Variants in TMEM132D observed in about 807,000 individuals in gnomAD.
TMEM132D encodes the protein mature OL transmembrane protein.
A neutral mutation model predicts 62.3 loss-of-function variants in TMEM132D; 21 were observed. The observed-to-expected ratio is 0.34, with a 90% CI of 0.24 to 0.49. The LOEUF (loss-of-function observed/expected upper bound fraction) is 0.49. TMEM132D is among the 20% of genes least tolerant of loss of function. The probability of loss-of-function intolerance (pLI) is 0.99; values close to 1 mark genes in which losing one functional copy is unlikely to be tolerated. For synonymous variants in TMEM132D, 621 were observed against 575.6 expected (o/e 1.08, Z -1.13); for missense variants, 1,346 against 1,402.8 (o/e 0.96, Z 0.65).
intron 1 of TMEM132D, among the ~76,000 whole-genome samples, chr12:129,725,709 G>A (rs921536485): frequency 6.6e-6 from 1 of 152,234 alleles, no homozygotes; most frequent in African/African-American, 2.4e-5. Context: ...GGGAGATAAA[G>A]AGAAATGGAG....
At chr12:129,571,142 T>A (rs1018164179) in intron 2 of TMEM132D, among the ~76,000 whole-genome samples, 4 of 152,232 alleles carry the variant, frequency 2.6e-5, no homozygotes, top group Non-Finnish European at 5.9e-5. Context: ...AGGGAAGTTG[T>A]CCTCTTTCCC....
chr12:129,731,040 T>C (rs1869216840), intron 1 of TMEM132D, among the ~76,000 whole-genome samples: 1 of 152,136 alleles, frequency 6.6e-6, no homozygotes, highest in African/African-American at 2.4e-5. Flanking sequence ...TCTATCCTAT[T>C]GGTTCTGTCC....
intron 3 of TMEM132D, among the ~76,000 whole-genome samples, chr12:129,368,681 G>A (rs1373695565): frequency 6.6e-6 from 1 of 151,862 alleles, no homozygotes; most frequent in Non-Finnish European, 1.5e-5. Flanking sequence ...ACTGTGGGCA[G>A]TGTTGCAAAC....
intron 5 of TMEM132D, among the ~76,000 whole-genome samples, chr12:129,188,382 C>A (rs963837086): frequency 6.6e-6 from 1 of 152,206 alleles, no homozygotes; most frequent in East Asian, 1.9e-4. Context: ...CAGCTGACTG[C>A]AGATTCAAGC....
chr12:129,200,269 A>T (rs1275943495), intron 5 of TMEM132D, among the ~76,000 whole-genome samples: 4 of 152,188 alleles, frequency 2.6e-5, no homozygotes, highest in Non-Finnish European at 5.9e-5. Flanking sequence ...GATTGAAGAA[A>T]GTGTCTATTG....
At chr12:129,722,461 G>A (rs1868873352) in intron 1 of TMEM132D, among the ~76,000 whole-genome samples, 1 of 152,198 alleles carries the variant, frequency 6.6e-6, no homozygotes, top group African/African-American at 2.4e-5. Context: ...ATGGGAGAAG[G>A]CGAAGAACAC....
chr12:129,250,370 T>C (rs1415508471), intron 4 of TMEM132D, among the ~76,000 whole-genome samples: 1 of 152,238 alleles, frequency 6.6e-6, no homozygotes, highest in Admixed American at 6.5e-5. Flanking sequence ...ATCTATTTTA[T>C]TGCTCAATAT....
intron 1 of TMEM132D, among the ~76,000 whole-genome samples, chr12:129,876,927 A>G (rs539634294): frequency 6.6e-6 from 1 of 152,302 alleles, no homozygotes; most frequent in Admixed American, 6.5e-5. Context: ...GCTGAGCCCA[A>G]CCTCACTATA....
chr12:129,379,717 A>G (rs1870885695), intron 3 of TMEM132D, among the ~76,000 whole-genome samples: 1 of 152,206 alleles, frequency 6.6e-6, no homozygotes, highest in Admixed American at 6.5e-5. Context: ...ATGCTCTGAA[A>G]TCTGTCTACT....
intron 1 of TMEM132D, among the ~76,000 whole-genome samples, chr12:129,877,509 T>TC (rs1874456699): frequency 6.6e-6 from 1 of 152,218 alleles, no homozygotes; most frequent in East Asian, 1.9e-4. Flanking sequence ...CTCATTCATC[T>TC]GGCTTCCCAC....
At chr12:129,874,911 A>G (rs1874368631) in intron 1 of TMEM132D, among the ~76,000 whole-genome samples, 1 of 152,184 alleles carries the variant, frequency 6.6e-6, no homozygotes, top group Non-Finnish European at 1.5e-5. Context: ...TCCCGACCTC[A>G]GGTGATCTGC....
chr12:129,710,230 A>C (rs1273674306), intron 1 of TMEM132D, among the ~76,000 whole-genome samples: 1 of 152,132 alleles, frequency 6.6e-6, no homozygotes, highest in Non-Finnish European at 1.5e-5. Context: ...TTTTCTTCCT[A>C]AGTGTTGTGT....
Position 129,699,948 on chromosome 12 carries a change from C to G in TMEM132D, c.830G>C (p.Arg277Thr). The G allele has an allele frequency of 6.2e-7, 1 of 1,614,094 alleles. No homozygotes were observed. The highest frequency in any genetic ancestry group is 1.1e-5 in the South Asian group (1 of 91,072). ...ACGCAGTTCTCTCAGGGAGGGTTTC[C>G]TGTGTGTCTGATAAAGGAAGATGCT... ...IGSIFLYQTH[R>T]KPSLRELRLD... Residue 277 changes from arginine to threonine, a missense_variant, in exon 2 of 9, where the codon AGG (arginine) becomes ACG (threonine). Transcript: ENST00000422113.
At chr12:129,339,544 A>G (rs1002687040) in intron 3 of TMEM132D, among the ~76,000 whole-genome samples, 5 of 152,172 alleles carry the variant, frequency 3.3e-5, no homozygotes, top group African/African-American at 1.2e-4. Flanking sequence ...CTGTGATAAA[A>G]ATCCCCTAGG....
intron 3 of TMEM132D, among the ~76,000 whole-genome samples, chr12:129,448,429 G>A (rs1048107465): frequency 6.6e-6 from 1 of 152,084 alleles, no homozygotes; most frequent in Non-Finnish European, 1.5e-5. Flanking sequence ...GTGTGTCCAT[G>A]TGTTCTCATC....
intron 3 of TMEM132D, among the ~76,000 whole-genome samples, chr12:129,516,638 G>A (rs1875692749): frequency 6.6e-6 from 1 of 152,106 alleles, no homozygotes; most frequent in East Asian, 1.9e-4. Context: ...CACAACATGT[G>A]GGAATTATGG....
At chr12:129,746,743 A>G (rs1869792170) in intron 1 of TMEM132D, among the ~76,000 whole-genome samples, 1 of 152,076 alleles carries the variant, frequency 6.6e-6, no homozygotes, top group Non-Finnish European at 1.5e-5. Flanking sequence ...CGACAGTGTC[A>G]CGGAAGAGAC....
chr12:129,308,196 T>C (rs899067561), intron 4 of TMEM132D, among the ~76,000 whole-genome samples: 2 of 152,364 alleles, frequency 1.3e-5, no homozygotes, highest in African/African-American at 4.8e-5. Flanking sequence ...TATTGTTATA[T>C]GTTAAAGCAT....
At chr12:129,272,014 T>A (rs1165964701) in intron 4 of TMEM132D, among the ~76,000 whole-genome samples, 1 of 151,910 alleles carries the variant, frequency 6.6e-6, no homozygotes, top group Non-Finnish European at 1.5e-5. Context: ...CCAACTAATT[T>A]ATACTCCCAC....
Sources: gnomAD v4.1 joint callset for allele counts (sites outside exome capture counted in the v4.1 genomes callset) on GRCh38, gnomAD v4.1.1 for gene constraint, MANE v1.5 for transcripts, NCBI Gene and HGNC (gene_info 2026-07-23, HGNC 2026-07-21) for gene names.